The following KLHL5 variants were observed in gnomAD, a reference collection of about 807,000 sequenced individuals.
The protein encoded by KLHL5 is kelch-like protein 5.
A neutral mutation model predicts 77.7 loss-of-function variants in KLHL5; 48 were observed. The observed-to-expected ratio is 0.62, with a 90% confidence interval of 0.49 to 0.79. The LOEUF is 0.79. Among genes scored for constraint, KLHL5 ranks in the 30% least tolerant of loss-of-function variants. The probability of loss-of-function intolerance (pLI) is 0.00; values close to 1 mark genes in which losing one functional copy is unlikely to be tolerated. For missense variants in KLHL5, 723 were observed against 859.7 expected (o/e 0.84, Z 1.99); for synonymous variants, 260 against 297.0 (o/e 0.88, Z 1.28).
chr4:39,084,962 A>G (rs7656490), intron 4 of KLHL5, among the ~76,000 whole-genome samples: 4 of 152,092 alleles, frequency 2.6e-5, no homozygotes, highest in African/African-American at 9.7e-5. Context: ...ATTTTTTACC[A>G]TTGTAAATAA....
Position 39,081,863 on chromosome 4 carries a change from A to T in KLHL5, c.704-100A>T. 1 of 816,946 alleles carries T rather than the reference A, an allele frequency of 1.2e-6. No homozygotes were observed. The highest frequency in any genetic ancestry group is 1.8e-6 in the Non-Finnish European group (1 of 550,230). The allele number at this position is 816,946 out of a possible 1,614,324, so 50.6% of individuals were successfully genotyped here. On this transcript the variant is annotated intron_variant, in intron 3 of 10. Coordinates refer to ENST00000504108, the MANE Select transcript of KLHL5 (RefSeq NM_015990.5). The surrounding 1 kb of genome is among the most constrained non-coding windows in gnomAD (Gnocchi z 4.3). Reference sequence around the variant, plus strand: ...AACCATGTAGGTCTGTAATGCATGTAATGAGCTCTTATATGGAACCACTAC... The same window carrying T: ...AACCATGTAGGTCTGTAATGCATGTTATGAGCTCTTATATGGAACCACTAC...
downstream of KLHL5, among the ~76,000 whole-genome samples, chr4:39,128,705 G>T (rs907063593): frequency 6.6e-6 from 1 of 152,176 alleles, no homozygotes; most frequent in Non-Finnish European, 1.5e-5. Context: ...GCTCACACCT[G>T]TAATCCCAGC....
intron 1 of KLHL5, among the ~76,000 whole-genome samples, chr4:39,049,968 C>T (rs930094541): frequency 4.0e-5 from 6 of 151,798 alleles, no homozygotes; most frequent in South Asian, 2.1e-4. Context: ...CCAGCTACTC[C>T]AGAGGCTGAG....
chr4:39,060,755 G>A (rs911906882), upstream of KLHL5, among the ~76,000 whole-genome samples: 5 of 152,180 alleles, frequency 3.3e-5, no homozygotes, highest in Admixed American at 3.3e-4. Context: ...GAAGGAGTCT[G>A]ACAAAGGTGA....
At position 39,054,910 on chromosome 4, in the gene KLHL5, T is replaced by C. The variant is rs191134980; in HGVS notation, c.-94-7649T>C. Among the ~76,000 whole-genome samples the C allele has an allele frequency of 3.3e-5, 5 of 152,358 alleles. No individual in the cohort carries two copies. The East Asian group carries it at 9.6e-4, about 29-fold the overall frequency. On this transcript the variant is annotated intron_variant, in intron 1 of 11. Coordinates refer to the KLHL5 transcript ENST00000261425. ...AGTACTTACCAGAAGTTGGTTCTGT[T>C]TATTCACAAACCTGTTTTTAACAGT...
At position 39,082,371 on chromosome 4, in the gene KLHL5, G is replaced by T. The variant is rs146585704; in HGVS notation, c.900+212G>T. ...TATCTGAATCAAGCCCTAAGTTACT[G>T]CAGTCACTGGGAAGCAGAACAGTGG... is the stretch of plus-strand genomic sequence containing the variant. On this transcript the variant is annotated intron_variant, in intron 4 of 10. Coordinates refer to ENST00000504108, the MANE Select transcript of KLHL5 (RefSeq NM_015990.5). 9.4e-4 allele frequency among the ~76,000 whole-genome samples: 143 copies of T among 152,226 alleles called. 1 individual carries two copies. The highest frequency in any genetic ancestry group is 3.2e-3 in the African/African-American group (132 of 41,542).
chr4:39,070,147 C>T (rs993539784), intron 1 of KLHL5, among the ~76,000 whole-genome samples: 1 of 152,132 alleles, frequency 6.6e-6, no homozygotes, highest in Non-Finnish European at 1.5e-5. Flanking sequence ...CCTGTGCCCA[C>T]GTGAACCAAC....
chr4:39,073,835 T>TA (rs924835198), intron 1 of KLHL5, among the ~76,000 whole-genome samples: 9 of 150,540 alleles, frequency 6.0e-5, no homozygotes, highest in Non-Finnish European at 1.3e-4. Context: ...TTTATTTTTT[T>TA]TTTTGTATTT....
intron 7 of KLHL5, among the ~76,000 whole-genome samples, 161 bp from the exon 8 acceptor site, chr4:39,107,408 G>A (rs2566159): frequency 0.22 from 3,135 of 14,458 alleles, 112 homozygotes; most frequent in African/African-American, 0.39. Flanking sequence ...CCCACCCACC[G>A]ACCTACTAAG....
upstream of KLHL5, among the ~76,000 whole-genome samples, chr4:39,059,008 TC>T (rs1355429338): frequency 3.3e-5 from 5 of 152,184 alleles, no homozygotes; most frequent in Non-Finnish European, 7.3e-5. Context: ...CAGAGAGTAG[TC>T]AGTGAAGACC....
chr4:39,055,341 C>T (rs565253664), intron 1 of KLHL5, among the ~76,000 whole-genome samples: 10 of 152,330 alleles, frequency 6.6e-5, no homozygotes, highest in Admixed American at 1.3e-4. Flanking sequence ...ACAAGTTTTT[C>T]CTGTGGTGGA....
At chr4:39,098,366 A>G (rs1178351393) in intron 6 of KLHL5, among the ~76,000 whole-genome samples, 2 of 149,990 alleles carry the variant, frequency 1.3e-5, no homozygotes, top group Non-Finnish European at 3.0e-5. Flanking sequence ...AGGTTCAAAC[A>G]ATTCTCCTGC....
chr4:39,099,823 A>T (rs779435850), intron 6 of KLHL5, among the ~76,000 whole-genome samples: 2 of 152,124 alleles, frequency 1.3e-5, no homozygotes, highest in Non-Finnish European at 2.9e-5. Context: ...AGAAATAAAT[A>T]ACTTAAGATA....
At chr4:39,126,801 C>T (rs1245997142), downstream of KLHL5, 1 of 446,996 alleles carries the variant, frequency 2.2e-6, no homozygotes, top group South Asian at 1.6e-5. Context: ...ATTAGACTGC[C>T]CTATTATCTA....
rs1722776719 is a variant in KLHL5 at position 39,115,558 on chromosome 4, A to G, written c.2073+228A>G. ...TTAATACTCAGAGAAATTATTAATT[A>G]TCTGCTACCACTTGCATGATGAAGT... On this transcript the variant is annotated intron_variant, in intron 10 of 10. Transcript: ENST00000504108. 4.1e-6 allele frequency: 6 copies of G among 1,452,668 alleles called. No individual in the cohort carries two copies. In the Admixed American group the frequency reaches 1.7e-4, roughly 40 times the overall value. 90.0% of individuals were successfully genotyped at this position (1,452,668 alleles called of 1,614,324 possible). A position where few individuals can be genotyped will look rare whatever the true frequency, so the allele number is the denominator to read the frequency against.
intron 1 of KLHL5, among the ~76,000 whole-genome samples, chr4:39,055,534 A>C (rs1225522498): frequency 6.6e-6 from 1 of 152,228 alleles, no homozygotes; most frequent in East Asian, 1.9e-4. Flanking sequence ...CATTAACCCT[A>C]TATGAAAAGA....
chr4:39,126,866 C>T (rs1723574384), downstream of KLHL5: 1 of 399,172 alleles, frequency 2.5e-6, no homozygotes, highest in Non-Finnish European at 4.9e-6. Context: ...ATGTAAGTAA[C>T]TAGAATTTTT....
intron 7 of KLHL5, among the ~76,000 whole-genome samples, chr4:39,105,591 C>T (rs1279258590): frequency 2.0e-5 from 3 of 150,860 alleles, no homozygotes; most frequent in Admixed American, 6.6e-5. Flanking sequence ...CATGTATATA[C>T]AGTATGTGTA....
At chr4:39,080,833 G>A (rs1719550803) in intron 2 of KLHL5, among the ~76,000 whole-genome samples, 1 of 151,990 alleles carries the variant, frequency 6.6e-6, no homozygotes, top group Admixed American at 6.6e-5. Flanking sequence ...TAGTTGATTT[G>A]ATGCTATGGG....
Sources: gnomAD v4.1 joint callset for allele counts (sites outside exome capture counted in the v4.1 genomes callset) on GRCh38, gnomAD v4.1.1 for gene constraint, Gnocchi (gnomAD v3.1) non-coding constraint, MANE v1.5 for transcripts, NCBI Gene and HGNC (gene_info 2026-07-23, HGNC 2026-07-21) for gene names.